ZNF75D: variants seen among roughly 807,000 people sequenced by gnomAD.
The protein encoded by ZNF75D is zinc finger protein 75D.
In ZNF75D, 33 loss-of-function variants were observed where a neutral mutation model predicts 33.3. That is an observed-to-expected ratio of 0.99 (90% confidence interval 0.75 to 1.32). ZNF75D has a LOEUF of 1.32. Ranked by LOEUF, ZNF75D falls within the 40% of genes most tolerant of loss-of-function variation. The probability of loss-of-function intolerance (pLI) is 0.00; values close to 1 mark genes in which losing one functional copy is unlikely to be tolerated. For synonymous variants in ZNF75D, 113 were observed against 130.6 expected, an observed-to-expected ratio of 0.87 and a Z score of 0.92; for missense variants, 338 against 367.5, an observed-to-expected ratio of 0.92 and a Z score of 0.66.
intron 1 of ZNF75D, among the ~76,000 whole-genome samples, chrX:135,259,977 T>C (rs1222334158): frequency 1.2e-4 from 13 of 112,236 alleles, no homozygotes; most frequent in African/African-American, 3.2e-4. Flanking sequence ...CATCAGTACC[T>C]AGTTTATTGA....
downstream of ZNF75D, among the ~76,000 whole-genome samples, chrX:135,283,029 A>C: frequency 8.9e-6 from 1 of 112,026 alleles, no homozygotes; most frequent in African/African-American, 3.3e-5. Context: ...GGACAAGGGA[A>C]ATCTTTCTTG....
At chrX:135,329,886 T>C (rs2084630605) in intron 1 of ZNF75D, among the ~76,000 whole-genome samples, 2 of 112,384 alleles carry the variant, frequency 1.8e-5, no homozygotes, top group African/African-American at 6.5e-5. Context: ...CCATTATTTC[T>C]AGATTGAAAA....
chrX:135,256,397 C>A (rs1463361242), intron 1 of ZNF75D, among the ~76,000 whole-genome samples: 4 of 110,162 alleles, frequency 3.6e-5, no homozygotes, highest in Non-Finnish European at 7.6e-5. Flanking sequence ...ATGCAGGGTG[C>A]AGCCAGTGCC....
At chrX:135,306,348 A>T (rs1357547231) in intron 1 of ZNF75D, among the ~76,000 whole-genome samples, 1 of 108,849 alleles carries the variant, frequency 9.2e-6, no homozygotes, top group Non-Finnish European at 1.9e-5. Flanking sequence ...GGATTATAAA[A>T]AGCTTTGTGA....
rs781875832 is a variant in ZNF75D, at chrX:135,262,030, T to A, written n.828-6253A>T. Among the ~76,000 whole-genome samples the A allele has an allele frequency of 3.6e-5, 4 of 111,794 alleles. No individual in the cohort carries two copies. The East Asian group carries it at 1.1e-3, about 31-fold the overall frequency. On this transcript the variant is annotated intron_variant and non_coding_transcript_variant, in intron 1 of 3. Transcript: ENST00000494295. ...CAGTATTTGCTTGTCTGTAAAGGAT[T>A]TTATTTCTCCTTCACTTATGAAGCT...
intron 1 of ZNF75D, among the ~76,000 whole-genome samples, chrX:135,260,156 G>C (rs1316894222): frequency 1.8e-5 from 2 of 112,175 alleles, no homozygotes; most frequent in African/African-American, 6.5e-5. Flanking sequence ...ACTTGATCAT[G>C]ACAGAGAAGC....
intron 1 of ZNF75D, among the ~76,000 whole-genome samples, chrX:135,300,479 G>C (rs2084199819): frequency 9.0e-6 from 1 of 111,690 alleles, no homozygotes; most frequent in African/African-American, 3.3e-5. Context: ...TGCGTGCGGT[G>C]GCTCATGCCT....
chrX:135,322,856 T>C (rs1157711092), intron 1 of ZNF75D, among the ~76,000 whole-genome samples: 1 of 112,351 alleles, frequency 8.9e-6, no homozygotes, highest in African/African-American at 3.2e-5. Flanking sequence ...GGCATACTTG[T>C]GTATCTTCTA....
intron 1 of ZNF75D, among the ~76,000 whole-genome samples, chrX:135,263,922 G>A (rs996629660): frequency 2.7e-5 from 3 of 112,105 alleles, no homozygotes; most frequent in African/African-American, 9.7e-5. Flanking sequence ...GCTGCAGACC[G>A]AAGCTGTTCC....
chrX:135,283,923 C>T (rs932016013), downstream of ZNF75D, among the ~76,000 whole-genome samples: 7 of 111,663 alleles, frequency 6.3e-5, no homozygotes, highest in Admixed American at 3.8e-4. Context: ...CAATGGCATT[C>T]GGCTCCCTGA....
At chrX:135,289,719 G>A (rs2084011889) in intron 6 of ZNF75D, among the ~76,000 whole-genome samples, 1 of 109,910 alleles carries the variant, frequency 9.1e-6, no homozygotes, top group Admixed American at 9.7e-5. Flanking sequence ...AATTTGTAAG[G>A]ACTGGAGCTA....
intron 1 of ZNF75D, among the ~76,000 whole-genome samples, chrX:135,299,387 A>T (rs782370984): frequency 1.7e-4 from 19 of 112,057 alleles, no homozygotes; most frequent in Non-Finnish European, 3.2e-4. Context: ...ATAATTAATG[A>T]TATTGAGCAT....
chrX:135,324,024 C>T (rs190921805), intron 1 of ZNF75D, among the ~76,000 whole-genome samples: 236 of 108,563 alleles, frequency 2.2e-3, no homozygotes, highest in Non-Finnish European at 3.5e-3. Context: ...CACACACACA[C>T]GCACACCCAA....
At position 135,343,556 on chromosome X, in the gene ZNF75D, G is replaced by A. The variant is rs2084810660; in HGVS notation, c.-2179C>T. The A allele has an allele frequency of 8.9e-6, 1 of 111,965 alleles. No homozygotes were observed. Among genetic ancestry groups the A allele is most frequent in the Admixed American group, 9.4e-5 (1 of 10,690 alleles). 9.2% of individuals were successfully genotyped at this position (111,965 alleles called of 1,213,427 possible). The stretch of plus-strand genomic sequence containing the variant: ...GCAGAACCCTCAGAAGCACAGGTGG[G>A]AGGCCGCCAAGCTAGACCTTGGGTC... On this transcript the variant is annotated 5_prime_UTR_variant, in exon 1 of 7. Transcript: ENST00000370766.
intron 1 of ZNF75D, among the ~76,000 whole-genome samples, chrX:135,268,884 C>T (rs782519344): frequency 7.2e-5 from 8 of 111,226 alleles, no homozygotes; most frequent in South Asian, 3.8e-4. Flanking sequence ...AGCATGGTAC[C>T]GGCATAAACA....
intron 5 of ZNF75D, 156 bp from the exon 6 acceptor site, chrX:135,291,291 G>T: frequency 2.5e-6 from 2 of 810,768 alleles, no homozygotes; most frequent in Non-Finnish European, 1.8e-6. Context: ...GAGCAAAGAG[G>T]ATCAGTAAAT....
At chrX:135,304,753 A>C (rs782125453) in intron 1 of ZNF75D, among the ~76,000 whole-genome samples, 5 of 112,951 alleles carry the variant, frequency 4.4e-5, no homozygotes, top group Non-Finnish European at 9.4e-5. Context: ...TATAGAGAGG[A>C]AATGTAGCTC....
intron 1 of ZNF75D, among the ~76,000 whole-genome samples, chrX:135,279,179 C>T (rs1005867190): frequency 2.7e-5 from 3 of 111,708 alleles, no homozygotes; most frequent in Non-Finnish European, 5.6e-5. Context: ...TGTTATTGGT[C>T]TATTCAGGGA....
At chrX:135,257,569 A>G (rs1283917323) in intron 1 of ZNF75D, among the ~76,000 whole-genome samples, 4 of 113,253 alleles carry the variant, frequency 3.5e-5, no homozygotes, top group Non-Finnish European at 7.5e-5. Context: ...ATCTCTGGAC[A>G]TACCCAGAAC....
Sources: gnomAD v4.1 joint callset for allele counts (sites outside exome capture counted in the v4.1 genomes callset) on GRCh38, gnomAD v4.1.1 for gene constraint, MANE v1.5 for transcripts, NCBI Gene and HGNC (gene_info 2026-07-23, HGNC 2026-07-21) for gene names.